Variants in NYAP2 observed in about 807,000 individuals in gnomAD.
The protein encoded by NYAP2 is neuronal tyrosine-phosphorylated phosphoinositide-3-kinase adaptor 2.
In NYAP2, 23 loss-of-function variants were observed where a neutral mutation model predicts 50.4. The observed-to-expected ratio is 0.46, with a 90% confidence interval of 0.33 to 0.65. The LOEUF is 0.65. Among genes scored for constraint, NYAP2 ranks in the 30% least tolerant of loss-of-function variants. NYAP2 has a pLI of 0.02. For missense variants in NYAP2, 885 were observed against 861.0 expected (o/e 1.03, Z -0.35); for synonymous variants, 394 against 365.2 (o/e 1.08, Z -0.90).
At chr2:225,688,367 A>T in the NYAP2 span, among the ~76,000 whole-genome samples, 3 of 152,164 alleles carry the variant, frequency 2.0e-5, no homozygotes, top group African/African-American at 7.2e-5. Flanking sequence ...TCCTGAAAAT[A>T]CTCAGAAAAT....
chr2:225,597,166 GT>G (rs1316626670), intron 5 of NYAP2, among the ~76,000 whole-genome samples: 1 of 151,878 alleles, frequency 6.6e-6, no homozygotes, highest in Non-Finnish European at 1.5e-5. Context: ...ATTTCCATAG[GT>G]TTTGGGGAAA....
At chr2:225,683,460 A>G in the NYAP2 span, among the ~76,000 whole-genome samples, 1 of 152,224 alleles carries the variant, frequency 6.6e-6, no homozygotes, top group African/African-American at 2.4e-5. Context: ...AACCTTAATC[A>G]GCATTTAATA....
At chr2:225,701,461 T>C in the NYAP2 span, 1 of 151,802 alleles carries the variant, frequency 6.6e-6, no homozygotes, top group Non-Finnish European at 1.5e-5. Flanking sequence ...TGCTTTTATA[T>C]GTGAAACACT....
intron 4 of NYAP2, among the ~76,000 whole-genome samples, chr2:225,526,310 C>T (rs1691149643): frequency 6.6e-6 from 1 of 152,190 alleles, no homozygotes; most frequent in Non-Finnish European, 1.5e-5. Context: ...CTTAGCAAAG[C>T]ACCTGGCTTA....
In NYAP2 at chr2:225,425,069, A is replaced by T. The variant is rs74962184; in HGVS notation, c.221+15968A>T. On this transcript the variant is annotated intron_variant, in intron 3 of 6. Coordinates refer to ENST00000636099, the Ensembl canonical transcript of NYAP2. The stretch of plus-strand genomic sequence containing the variant: ...TCAACTATAGAAACTTATTTTTTTT[A>T]AAAAAAGAAATAGAGCTTTCAGAAA... Among the ~76,000 whole-genome samples, 1,211 of 152,064 alleles carry T rather than the reference A, an allele frequency of 8.0e-3. 13 individuals carry two copies. Among genetic ancestry groups the T allele is most frequent in the African/African-American group, 0.027 (1,122 of 41,506 alleles).
At chr2:225,537,028 T>A (rs1691364076) in intron 4 of NYAP2, among the ~76,000 whole-genome samples, 1 of 152,112 alleles carries the variant, frequency 6.6e-6, no homozygotes, top group South Asian at 2.1e-4. Flanking sequence ...TCCGCTCGCC[T>A]CGGCTTCCCA....
In NYAP2 at chr2:225,625,043, TAAAAAA is replaced by T. The variant is rs386392796; in HGVS notation, c.1619-1850_1619-1845del. On this transcript the variant is annotated intron_variant, in intron 5 of 6. Coordinates refer to ENST00000636099, the Ensembl canonical transcript of NYAP2. ...GTTGATAAGGATTTTAACCCAAGCG[TAAAAAA>T]AAAAAAAAAAAAAAAAAAAAAAATT... is the stretch of plus-strand genomic sequence containing the variant. 1.6e-4 allele frequency among the ~76,000 whole-genome samples: 11 copies of T among 69,632 alleles called. No homozygotes were observed. The East Asian group carries it at 3.5e-3, about 22-fold the overall frequency. The allele number at this position is 69,632 out of a possible 152,430, so 45.7% of individuals were successfully genotyped here.
At chr2:225,692,595 C>A in the NYAP2 span, among the ~76,000 whole-genome samples, 1 of 151,648 alleles carries the variant, frequency 6.6e-6, no homozygotes, top group Non-Finnish European at 1.5e-5. Context: ...TATATATATA[C>A]ACACACACAG....
At chr2:225,438,573 ATCTT>A (rs1025262779) in intron 3 of NYAP2, among the ~76,000 whole-genome samples, 17 of 152,240 alleles carry the variant, frequency 1.1e-4, no homozygotes, top group African/African-American at 3.9e-4. Context: ...CTTACATAAT[ATCTT>A]TCTGTATTTC....
intron 5 of NYAP2, among the ~76,000 whole-genome samples, chr2:225,598,446 G>A (rs1531033): frequency 0.95 from 145,073 of 152,302 alleles, 69,205 homozygotes; most frequent in African/African-American, 0.99. Context: ...ATTAGTATGT[G>A]GATGGAAGAC....
chr2:225,690,256 A>T, the NYAP2 span, among the ~76,000 whole-genome samples: 1 of 152,136 alleles, frequency 6.6e-6, no homozygotes, highest in Non-Finnish European at 1.5e-5. Flanking sequence ...ACATGGGTCA[A>T]ATATGCTCAT....
chr2:225,660,134 G>C, the NYAP2 span, among the ~76,000 whole-genome samples: 1 of 151,990 alleles, frequency 6.6e-6, no homozygotes, highest in Non-Finnish European at 1.5e-5. Context: ...TACCCCCCTA[G>C]AGCCCATTAT....
Position 225,643,712 on chromosome 2 carries a change from C to T in NYAP2, c.1829-7720C>T, listed in dbSNP as rs1298543822. Among the ~76,000 whole-genome samples, 292 of 151,666 alleles carry T rather than the reference C, an allele frequency of 1.9e-3. 1 individual carries two copies. Among genetic ancestry groups the T allele is most frequent in the African/African-American group, 6.2e-3 (255 of 41,284 alleles). Reference sequence around the variant, plus strand: ...TGCGGTGTTTGGTTTTTTGTTCTTGCGATAGTTTACTGAGAATGATGATTT... The same window carrying T: ...TGCGGTGTTTGGTTTTTTGTTCTTGTGATAGTTTACTGAGAATGATGATTT... On this transcript the variant is annotated intron_variant, in intron 6 of 6. Coordinates refer to ENST00000636099, the Ensembl canonical transcript of NYAP2.
intron 3 of NYAP2, among the ~76,000 whole-genome samples, chr2:225,462,945 G>T (rs1251401754): frequency 6.6e-6 from 1 of 152,196 alleles, no homozygotes; most frequent in African/African-American, 2.4e-5. Context: ...ATGTACTAAT[G>T]ATCTGTAGCA....
intron 5 of NYAP2, among the ~76,000 whole-genome samples, chr2:225,599,780 C>T (rs971921017): frequency 6.6e-6 from 1 of 152,200 alleles, no homozygotes; most frequent in Non-Finnish European, 1.5e-5. Flanking sequence ...TAAAAAGCAT[C>T]AATGTTTAAG....
At chr2:225,561,008 A>C (rs1381704044) in intron 4 of NYAP2, among the ~76,000 whole-genome samples, 2 of 151,062 alleles carry the variant, frequency 1.3e-5, no homozygotes, top group African/African-American at 2.4e-5. Context: ...AGTCTATGAC[A>C]GGCATTGCTG....
intron 4 of NYAP2, among the ~76,000 whole-genome samples, chr2:225,548,336 C>G (rs183614370): frequency 1.3e-5 from 2 of 148,504 alleles, no homozygotes; most frequent in East Asian, 3.9e-4. Context: ...ATACTAGATA[C>G]GCAAAATTCT....
At chr2:225,449,899 G>A (rs1377120488) in intron 3 of NYAP2, among the ~76,000 whole-genome samples, 1 of 151,832 alleles carries the variant, frequency 6.6e-6, no homozygotes, top group African/African-American at 2.4e-5. Flanking sequence ...TTACAGTCAT[G>A]AGCCACCACA....
intron 3 of NYAP2, among the ~76,000 whole-genome samples, chr2:225,481,377 T>C (rs1231845204): frequency 6.6e-6 from 1 of 152,138 alleles, no homozygotes; most frequent in African/African-American, 2.4e-5. Flanking sequence ...TAGAAAATGC[T>C]CTAGGATAAT....
Sources: gnomAD v4.1 joint callset for allele counts (sites outside exome capture counted in the v4.1 genomes callset) on GRCh38, gnomAD v4.1.1 for gene constraint, MANE v1.5 for transcripts, NCBI Gene and HGNC (gene_info 2026-07-23, HGNC 2026-07-21) for gene names.